DLG2: variants seen among roughly 807,000 people sequenced by gnomAD.
The protein encoded by DLG2 is discs large MAGUK scaffold protein 2.
Under a neutral mutation model 132.5 loss-of-function variants are expected in DLG2, and 45 were observed. The ratio of observed to expected loss-of-function variants is 0.34; its 90% confidence interval spans 0.27 to 0.44. The LOEUF (loss-of-function observed/expected upper bound fraction) is 0.44, where lower values mean the gene tolerates loss of function less well. Ranked by LOEUF, DLG2 falls within the 20% of genes least tolerant of loss-of-function variation. The pLI is 1.00. For synonymous variants in DLG2, 424 were observed against 419.6 expected, an observed-to-expected ratio of 1.01 and a Z score of -0.13; for missense variants, 1,045 against 1,196.9, an observed-to-expected ratio of 0.87 and a Z score of 1.87.
intron 18 of DLG2, among the ~76,000 whole-genome samples, chr11:83,642,455 G>A (rs1411024280): frequency 6.6e-6 from 1 of 152,204 alleles, no homozygotes; most frequent in Admixed American, 6.5e-5. Flanking sequence ...AAACTTTACA[G>A]AGGTTTCAGC....
chr11:84,910,370 ATT>A (rs1332228779), intron 6 of DLG2, among the ~76,000 whole-genome samples: 1 of 152,228 alleles, frequency 6.6e-6, no homozygotes, highest in Non-Finnish European at 1.5e-5. Context: ...CATTACCTGA[ATT>A]TTTTTCTTGA....
At chr11:84,391,422 C>T (rs1367180289) in intron 7 of DLG2, among the ~76,000 whole-genome samples, 1 of 152,134 alleles carries the variant, frequency 6.6e-6, no homozygotes, top group African/African-American at 2.4e-5. Flanking sequence ...TCCTTTGAGA[C>T]AGCTTAGTTC....
intron 7 of DLG2, among the ~76,000 whole-genome samples, chr11:84,474,786 A>G: frequency 6.6e-6 from 1 of 152,056 alleles, no homozygotes; most frequent in East Asian, 1.9e-4. Context: ...TTAAATCATA[A>G]TCTTCTTGAA....
At chr11:83,791,422 T>C in intron 17 of DLG2, 2 of 699,228 alleles carry the variant, frequency 2.9e-6, no homozygotes, top group Non-Finnish European at 2.6e-6. Flanking sequence ...GATATCGCAG[T>C]TGGCCATATC....
At chr11:84,616,714 C>A (rs1423454723) in intron 6 of DLG2, among the ~76,000 whole-genome samples, 1 of 152,072 alleles carries the variant, frequency 6.6e-6, no homozygotes, top group Admixed American at 6.6e-5. Context: ...GATAATAACA[C>A]CAAAATTGCC....
chr11:84,250,655 C>T (rs1598371930), intron 8 of DLG2, among the ~76,000 whole-genome samples: 1 of 152,192 alleles, frequency 6.6e-6, no homozygotes, highest in Non-Finnish European at 1.5e-5. Context: ...CAGCCAGACT[C>T]TATCTTCAAG....
At chr11:84,419,706 A>G (rs2098941970) in intron 7 of DLG2, among the ~76,000 whole-genome samples, 1 of 152,170 alleles carries the variant, frequency 6.6e-6, no homozygotes, top group African/African-American at 2.4e-5. Context: ...GTGCCCCTTT[A>G]GTGCGAGTAC....
At chr11:84,515,080 A>C (rs1418190733) in intron 7 of DLG2, among the ~76,000 whole-genome samples, 1 of 151,886 alleles carries the variant, frequency 6.6e-6, no homozygotes, top group Non-Finnish European at 1.5e-5. Flanking sequence ...AAGGAATCAA[A>C]ACATACCACT....
intron 6 of DLG2, among the ~76,000 whole-genome samples, chr11:84,850,471 C>T (rs904130543): frequency 9.2e-5 from 14 of 152,084 alleles, no homozygotes; most frequent in African/African-American, 2.4e-4. Flanking sequence ...AGAATGGATG[C>T]GTTTCCACTA....
At chr11:84,315,238 A>G (rs1180399244) in intron 7 of DLG2, among the ~76,000 whole-genome samples, 1 of 152,144 alleles carries the variant, frequency 6.6e-6, no homozygotes, top group Non-Finnish European at 1.5e-5. Flanking sequence ...AGGAAATAAA[A>G]GTTTCCCTCA....
chr11:84,427,460 C>A (rs1337349152), intron 7 of DLG2, among the ~76,000 whole-genome samples: 3 of 151,994 alleles, frequency 2.0e-5, no homozygotes, highest in Admixed American at 6.6e-5. Flanking sequence ...CTTTCACTGC[C>A]TTACTGTTCT....
chr11:84,393,103 C>T (rs2098798542), intron 7 of DLG2, among the ~76,000 whole-genome samples: 1 of 152,056 alleles, frequency 6.6e-6, no homozygotes, highest in Non-Finnish European at 1.5e-5. Context: ...AAGAAAATGG[C>T]CTAGAAATCA....
chr11:83,729,871 A>G (rs2090676537), intron 18 of DLG2, among the ~76,000 whole-genome samples: 1 of 152,230 alleles, frequency 6.6e-6, no homozygotes, highest in South Asian at 2.1e-4. Context: ...ATTAAAATAT[A>G]TCTTCATTTA....
intron 19 of DLG2, among the ~76,000 whole-genome samples, chr11:83,564,345 G>A (rs182732370): frequency 6.6e-6 from 1 of 152,142 alleles, no homozygotes; most frequent in East Asian, 1.9e-4. Context: ...TGGAATGGGG[G>A]GGGTCAGGAG....
chr11:84,868,394 C>A (rs1438665606), intron 6 of DLG2, among the ~76,000 whole-genome samples: 1 of 152,058 alleles, frequency 6.6e-6, no homozygotes, highest in Non-Finnish European at 1.5e-5. Flanking sequence ...TCAGCAAGGT[C>A]ATTCTGCATT....
intron 7 of DLG2, among the ~76,000 whole-genome samples, chr11:84,311,430 A>G (rs2098285905): frequency 6.6e-6 from 1 of 152,218 alleles, no homozygotes; most frequent in Non-Finnish European, 1.5e-5. Flanking sequence ...CAAGTTTTAC[A>G]GAGGAGAAAA....
At chr11:83,742,354 G>A (rs888342220) in intron 18 of DLG2, among the ~76,000 whole-genome samples, 1 of 151,438 alleles carries the variant, frequency 6.6e-6, no homozygotes, top group African/African-American at 2.4e-5. Context: ...AATATATATA[G>A]TTTTTTTAAA....
chr11:84,662,755 C>G (rs1595166507), intron 6 of DLG2, among the ~76,000 whole-genome samples: 1 of 146,148 alleles, frequency 6.8e-6, no homozygotes, highest in Non-Finnish European at 1.5e-5. Flanking sequence ...CCACTGCACT[C>G]CAGCCTGGTC....
At chr11:84,619,296 A>G (rs1283819006) in intron 6 of DLG2, among the ~76,000 whole-genome samples, 2 of 151,920 alleles carry the variant, frequency 1.3e-5, no homozygotes, top group Non-Finnish European at 2.9e-5. Flanking sequence ...GTGGGTTGGA[A>G]TGTTAATTTA....
Sources: allele counts gnomAD v4.1 joint callset (sites outside exome capture counted in the v4.1 genomes callset), GRCh38; gene constraint gnomAD v4.1.1; transcripts MANE v1.5; gene names NCBI Gene and HGNC (gene_info 2026-07-23, HGNC 2026-07-21).